The following IQCH variants were observed in gnomAD, a reference collection of about 807,000 sequenced individuals.
IQCH encodes IQ motif containing H.
IQCH carries 98 observed loss-of-function variants against 117.0 expected under a neutral mutation model. The observed-to-expected ratio is 0.84, with a 90% confidence interval of 0.71 to 0.99. The LOEUF is 0.99. IQCH is among the 50% of genes least tolerant of loss of function. The pLI is 0.00. For synonymous variants in IQCH, 412 were observed against 448.2 expected, an observed-to-expected ratio of 0.92 and a Z score of 1.02; for missense variants, 1,102 against 1,243.8, an observed-to-expected ratio of 0.89 and a Z score of 1.72.
chr15:67,291,067 C>T (rs575488186), intron 4 of IQCH, among the ~76,000 whole-genome samples: 2 of 152,286 alleles, frequency 1.3e-5, no homozygotes, highest in Middle Eastern at 6.8e-3. Context: ...GAAACACAAT[C>T]ATTATTCATG....
rs563544642 is a variant in IQCH at position 67,307,255 on chromosome 15, A to G, written c.387+27743A>G. 5.6e-5 allele frequency: 37 copies of G among 658,804 alleles called. No homozygotes were observed. In the African/African-American group the frequency reaches 6.9e-4, roughly 12 times the overall value. The allele number at this position is 658,804 out of a possible 1,614,324, so 40.8% of individuals were successfully genotyped here. A position where few individuals can be genotyped will look rare whatever the true frequency, so the allele number is the denominator to read the frequency against. On this transcript the variant is annotated intron_variant, in intron 4 of 20. Transcript: ENST00000335894. ...AATCTTTTATTTATTCATGAGGTTG[A>G]ATTTAATACTATTATGATTTCTAGA...
Position 67,287,338 on chromosome 15 carries a change from G to A in IQCH, c.387+7826G>A, listed in dbSNP as rs546472020. Among the ~76,000 whole-genome samples the A allele has an allele frequency of 5.3e-5, 8 of 152,242 alleles. No homozygotes were observed. In the South Asian group the frequency reaches 1.7e-3, roughly 32 times the overall value. On this transcript the variant is annotated intron_variant, in intron 4 of 20. Transcript: ENST00000335894. ...TCTGTTTATTGGAATAGTTTGAGTAGGATTGGTATTAGTTCTTTTTTAAAT... is the reference window on the plus strand; with the variant it reads ...TCTGTTTATTGGAATAGTTTGAGTAAGATTGGTATTAGTTCTTTTTTAAAT...
At chr15:67,442,240 A>G (rs572169201) in intron 16 of IQCH, among the ~76,000 whole-genome samples, 1 of 151,718 alleles carries the variant, frequency 6.6e-6, no homozygotes, top group South Asian at 2.1e-4. Flanking sequence ...GAGAAACCCC[A>G]TGTCTACTAA....
intron 17 of IQCH, among the ~76,000 whole-genome samples, chr15:67,468,036 T>G (rs2082977202): frequency 6.6e-6 from 1 of 152,164 alleles, no homozygotes; most frequent in Admixed American, 6.5e-5. Context: ...AAGAACCACT[T>G]GAAGGTGTAA....
chr15:67,484,125 G>A (rs1398282336), intron 18 of IQCH, among the ~76,000 whole-genome samples: 2 of 152,204 alleles, frequency 1.3e-5, no homozygotes, highest in African/African-American at 4.8e-5. Context: ...TCTTAGTCCA[G>A]GCATAGTGGT....
At chr15:67,357,581 G>C (rs7174933) in intron 7 of IQCH, among the ~76,000 whole-genome samples, 160 bp downstream of exon 7, 43 of 152,316 alleles carry the variant, frequency 2.8e-4, no homozygotes, top group Non-Finnish European at 5.3e-4. Flanking sequence ...AAGGGGAATT[G>C]TACAAGTCAA....
intron 16 of IQCH, among the ~76,000 whole-genome samples, chr15:67,446,888 C>G (rs963033068): frequency 6.6e-6 from 1 of 152,190 alleles, no homozygotes; most frequent in Non-Finnish European, 1.5e-5. Context: ...CGAAGTCCCA[C>G]GGTAAATCAC....
Position 67,453,583 on chromosome 15 carries a change from C to T in IQCH, c.2506-11544C>T, listed in dbSNP as rs1019911351. 1.3e-5 allele frequency among the ~76,000 whole-genome samples: 2 copies of T among 152,150 alleles called. No individual in the cohort carries two copies. The highest frequency in any genetic ancestry group is 6.5e-5 in the Admixed American group (1 of 15,276). On this transcript the variant is annotated intron_variant, in intron 16 of 20. Coordinates refer to ENST00000335894, the MANE Select transcript of IQCH (RefSeq NM_001031715.3). The surrounding 1 kb of genome is among the most constrained non-coding windows in gnomAD (Gnocchi z 5.8). Reference sequence around the variant, plus strand: ...ATGCTGCTGCCTGATCATTCCTCTGCAAGTTTTGTCTCAGAGGAGTACCCG... The same window carrying T: ...ATGCTGCTGCCTGATCATTCCTCTGTAAGTTTTGTCTCAGAGGAGTACCCG...
At chr15:67,341,070 C>T (rs1356255804) in intron 5 of IQCH, among the ~76,000 whole-genome samples, 1 of 151,962 alleles carries the variant, frequency 6.6e-6, no homozygotes, top group Non-Finnish European at 1.5e-5. Flanking sequence ...AAAAATGAGC[C>T]GGGTATGGTG....
intron 4 of IQCH, among the ~76,000 whole-genome samples, chr15:67,298,838 C>A (rs1406356048): frequency 2.0e-5 from 3 of 152,068 alleles, no homozygotes; most frequent in Non-Finnish European, 4.4e-5. Context: ...TGTGCTCCAG[C>A]CTGGGTGACA....
chr15:67,350,661 C>T (rs1216959742), intron 6 of IQCH, among the ~76,000 whole-genome samples: 2 of 152,058 alleles, frequency 1.3e-5, no homozygotes, highest in Non-Finnish European at 2.9e-5. Flanking sequence ...CTCCTGACCT[C>T]GTGATCCACT....
chr15:67,475,662 T>C lies in IQCH; in HGVS notation c.2677-34T>C. The C allele has an allele frequency of 6.3e-7, 1 of 1,592,222 alleles. No individual in the cohort carries two copies. The highest frequency in any genetic ancestry group is 8.5e-7 in the Non-Finnish European group (1 of 1,169,856). Reference sequence around the variant, plus strand: ...TTCCAAAATTACAAGTTTATTTAAATATCTGTTTAATATTCAGTTGTGCTC... The same window carrying C: ...TTCCAAAATTACAAGTTTATTTAAACATCTGTTTAATATTCAGTTGTGCTC... On this transcript the variant is annotated intron_variant, in intron 17 of 20. Transcript: ENST00000335894. This position sits in a 1 kb window ranked among gnomAD's most constrained non-coding sequence, Gnocchi z 5.7.
Position 67,403,579 on chromosome 15 carries a change from A to G in IQCH, c.2097+3274A>G, listed in dbSNP as rs1228772953. 2.6e-5 allele frequency: 4 copies of G among 152,192 alleles called. No individual in the cohort carries two copies. The highest frequency in any genetic ancestry group is 2.0e-4 in the Admixed American group (3 of 15,276). 9.4% of individuals were successfully genotyped at this position (152,192 alleles called of 1,614,324 possible). Reference sequence around the variant, plus strand: ...CATTCACTTAAGTACTCTGCTCGTTAAGTTTTAATGAATCCACACTCTTGC... The same window carrying G: ...CATTCACTTAAGTACTCTGCTCGTTGAGTTTTAATGAATCCACACTCTTGC... On this transcript the variant is annotated intron_variant, in intron 14 of 20. Coordinates refer to ENST00000335894, the MANE Select transcript of IQCH (RefSeq NM_001031715.3). The surrounding 1 kb of genome is among the most constrained non-coding windows in gnomAD (Gnocchi z 4.8).
Position 67,263,161 on chromosome 15 carries a change from G to T in IQCH, c.214G>T (p.Val72Leu). ...GTATTTAAATGTTGTAAACCAGAAT[G>T]TATTAACGACTTCTGTTAATGATGA... ...EKYLNVVNQNVLTTSVNDESL... is the reference protein window; with the variant it reads ...EKYLNVVNQNLLTTSVNDESL... The change falls in exon 3 of 21, where the codon GTA becomes TTA. Residue 72 changes from valine (V) to leucine (L), a missense_variant. Val to Leu is a conservative substitution (Grantham distance 32, BLOSUM62 1). This residue lies in a region of IQCH where 452 missense variants were observed against 449.6 expected (regional missense o/e 1.01). Coordinates refer to ENST00000335894, the MANE Select transcript of IQCH (RefSeq NM_001031715.3). 3 of 1,581,992 alleles carry T rather than the reference G, an allele frequency of 1.9e-6. No homozygotes were observed. Among genetic ancestry groups the T allele is most frequent in the Non-Finnish European group, 2.6e-6 (3 of 1,151,098 alleles).
chr15:67,400,455 T>C lies in IQCH; in HGVS notation c.2097+150T>C, dbSNP rs1971609878. 5 of 548,822 alleles carry C rather than the reference T, an allele frequency of 9.1e-6. No homozygotes were observed. The South Asian group carries it at 1.3e-4, about 15-fold the overall frequency. The allele number at this position is 548,822 out of a possible 1,614,324, so 34.0% of individuals were successfully genotyped here. Reference sequence around the variant, plus strand: ...CTTTCTTGGGACCTTTTTCCTTATATACACAATGAATGGGATTGACTGAGT... The same window carrying C: ...CTTTCTTGGGACCTTTTTCCTTATACACACAATGAATGGGATTGACTGAGT... On this transcript the variant is annotated intron_variant, in intron 14 of 20. Transcript: ENST00000335894.
chr15:67,317,332 A>G (rs1411351031), intron 4 of IQCH, among the ~76,000 whole-genome samples: 4 of 151,900 alleles, frequency 2.6e-5, no homozygotes. Context: ...CCTCCCGGGT[A>G]GCTGGGATTA....
At chr15:67,434,442 A>G (rs898407318) in intron 16 of IQCH, among the ~76,000 whole-genome samples, 1 of 152,196 alleles carries the variant, frequency 6.6e-6, no homozygotes, top group African/African-American at 2.4e-5. Context: ...TAATATTCCA[A>G]TGTGTATATA....
At chr15:67,362,323 T>C (rs1026153065) in intron 8 of IQCH, among the ~76,000 whole-genome samples, 10 of 151,974 alleles carry the variant, frequency 6.6e-5, no homozygotes, top group Admixed American at 5.9e-4. Context: ...TGAAGAAAAA[T>C]ATAAAAGAAA....
intron 16 of IQCH, among the ~76,000 whole-genome samples, chr15:67,448,511 G>A (rs564389882): frequency 6.6e-6 from 1 of 151,746 alleles, no homozygotes; most frequent in Admixed American, 6.6e-5. Context: ...TGATGAGAAT[G>A]ATGGTTTCCA....
Sources: gnomAD v4.1 joint callset for allele counts (sites outside exome capture counted in the v4.1 genomes callset) on GRCh38, gnomAD v4.1.1 for gene constraint, gnomAD v4.1.1 regional missense constraint, Gnocchi (gnomAD v3.1) non-coding constraint, MANE v1.5 for transcripts, NCBI Gene and HGNC (gene_info 2026-07-23, HGNC 2026-07-21) for gene names.